ZNF366: variants seen among roughly 807,000 people sequenced by gnomAD.
The protein encoded by ZNF366 is dendritic cell-specific transcript protein.
Under a neutral mutation model 47.2 loss-of-function variants are expected in ZNF366, and 20 were observed. That is an observed-to-expected ratio of 0.42 (90% CI 0.30 to 0.62). The LOEUF (loss-of-function observed/expected upper bound fraction) is 0.62. ZNF366 is among the 20% of genes least tolerant of loss of function. The probability of loss-of-function intolerance (pLI) is 0.16; values close to 1 mark genes in which losing one functional copy is unlikely to be tolerated. For synonymous variants in ZNF366, 421 were observed against 395.1 expected (o/e 1.07, Z -0.78); for missense variants, 987 against 976.3 (o/e 1.01, Z -0.15).
chr5:72,446,234 A>G (rs1024015455), intron 4 of ZNF366, among the ~76,000 whole-genome samples: 3 of 152,246 alleles, frequency 2.0e-5, no homozygotes, highest in Admixed American at 6.5e-5. Flanking sequence ...CTCTTATATA[A>G]AATGAGAATA....
intron 2 of ZNF366, 43 bp downstream of exon 2, chr5:72,460,122 T>G: frequency 6.3e-7 from 1 of 1,592,348 alleles, no homozygotes; most frequent in Non-Finnish European, 8.6e-7. Context: ...GCCCCGCTCC[T>G]CTTCCCAAGG....
At chr5:72,487,411 G>A (rs1490784093) in intron 1 of ZNF366, among the ~76,000 whole-genome samples, 2 of 152,088 alleles carry the variant, frequency 1.3e-5, no homozygotes, top group Non-Finnish European at 2.9e-5. Context: ...AAAATATAAT[G>A]AATAAAAAAT....
rs765006609 is a variant in ZNF366, at chr5:72,460,378, G to T, written c.1119C>A (p.Asp373Glu). 6.2e-7 allele frequency: 1 copy of T among 1,614,274 alleles called. No individual in the cohort carries two copies. The highest frequency in any genetic ancestry group is 1.1e-5 in the South Asian group (1 of 91,090). Reference protein sequence around the residue: ...RENICVECGLDFPTLAQLKRH... With the variant: ...RENICVECGLEFPTLAQLKRH... ...TCTTCAGCTGGGCCAAGGTGGGGAA[G>T]TCGAGGCCGCACTCCACACAGATGT... Residue 373 changes from aspartate (D) to glutamate (E), a missense_variant, in exon 2 of 5, where the codon GAC (aspartate) becomes GAA (glutamate). Coordinates refer to ENST00000318442, the MANE Select transcript of ZNF366 (RefSeq NM_152625.3).
At position 72,461,626 on chromosome 5, in the gene ZNF366, T is replaced by C. The variant is rs756760498; in HGVS notation, c.-14-116A>G. On this transcript the variant is annotated intron_variant, in intron 1 of 4. Coordinates refer to ENST00000318442, the MANE Select transcript of ZNF366 (RefSeq NM_152625.3). ...TTTATGAAGAGTAGTACTTGCTTAA[T>C]ATGGACCCTCATTTATCCTAGGGCT... The C allele has an allele frequency of 3.1e-4, 416 of 1,334,824 alleles. 1 individual carries two copies. Among genetic ancestry groups the C allele is most frequent in the Non-Finnish European group, 3.9e-4 (384 of 989,078 alleles). The allele number at this position is 1,334,824 out of a possible 1,614,324, so 82.7% of individuals were successfully genotyped here. A position where few individuals can be genotyped will look rare whatever the true frequency, so the allele number is the denominator to read the frequency against.
intron 1 of ZNF366, among the ~76,000 whole-genome samples, chr5:72,480,566 A>G (rs1743771757): frequency 6.6e-6 from 1 of 152,182 alleles, no homozygotes; most frequent in Non-Finnish European, 1.5e-5. Context: ...GGAGTACATT[A>G]GATAACAATT....
chr5:72,448,971 A>G (rs1337301943), intron 3 of ZNF366, among the ~76,000 whole-genome samples: 5 of 152,186 alleles, frequency 3.3e-5, no homozygotes, highest in African/African-American at 1.2e-4. Context: ...AATTTGGCCT[A>G]CAGGGTGGGG....
intron 1 of ZNF366, among the ~76,000 whole-genome samples, chr5:72,483,232 C>CT (rs1226728813): frequency 2.0e-5 from 3 of 152,184 alleles, no homozygotes; most frequent in Admixed American, 6.5e-5. Flanking sequence ...CTCACAATGT[C>CT]TTGGGTAGTA....
chr5:72,457,123 C>G (rs1743208340), intron 2 of ZNF366, among the ~76,000 whole-genome samples: 1 of 152,208 alleles, frequency 6.6e-6, no homozygotes, highest in African/African-American at 2.4e-5. Context: ...ATCACCCTCT[C>G]AAGTTGGTCC....
At position 72,460,384 on chromosome 5, in the gene ZNF366, G is replaced by A; in HGVS notation, c.1113C>T (p.Gly371=). ...GCTGGGCCAAGGTGGGGAAGTCGAG[G>A]CCGCACTCCACACAGATGTTCTCGC... ...SGRENICVEC[G]LDFPTLAQLK... is the part of the protein sequence containing the mutation. Residue 371 remains glycine, a synonymous_variant, in exon 2 of 5, where the codon GGC becomes GGT. Transcript: ENST00000318442. 1 of 1,614,256 alleles carries A rather than the reference G, an allele frequency of 6.2e-7. No individual in the cohort carries two copies. The highest frequency in any genetic ancestry group is 8.5e-7 in the Non-Finnish European group (1 of 1,180,042).
At chr5:72,464,993 G>A (rs1282628238) in intron 1 of ZNF366, among the ~76,000 whole-genome samples, 3 of 151,958 alleles carry the variant, frequency 2.0e-5, no homozygotes, top group African/African-American at 7.3e-5. Flanking sequence ...AGGAGTCGGA[G>A]GTTGCAGTGA....
intron 1 of ZNF366, among the ~76,000 whole-genome samples, chr5:72,476,012 A>G (rs1210039044): frequency 1.3e-5 from 2 of 152,104 alleles, no homozygotes; most frequent in Non-Finnish European, 2.9e-5. Context: ...TAAAGTTACA[A>G]ATCTCTGCAT....
chr5:72,465,072 A>AAAAAGG (rs1216070428), intron 1 of ZNF366, among the ~76,000 whole-genome samples: 9 of 152,266 alleles, frequency 5.9e-5, no homozygotes, highest in African/African-American at 2.2e-4. Flanking sequence ...AAAGAAAAAG[A>AAAAAGG]AAAAGAAAAA....
rs1368260422 is a variant in ZNF366 at position 72,507,410 on chromosome 5, G to T, written c.-174C>A. The T allele has an allele frequency of 2.4e-5, 24 of 985,204 alleles. No individual in the cohort carries two copies. The highest frequency in any genetic ancestry group is 6.2e-5 in the Admixed American group (1 of 16,242). The allele number at this position is 985,204 out of a possible 1,614,324, so 61.0% of individuals were successfully genotyped here. On this transcript the variant is annotated 5_prime_UTR_variant, in exon 1 of 5. Coordinates refer to ENST00000318442, the MANE Select transcript of ZNF366 (RefSeq NM_152625.3). ...AGTGTTTCGAATGACTTAAGAAAGAGAACAGGAACAATACTTCGTTCTCTT... is the reference window on the plus strand; with the variant it reads ...AGTGTTTCGAATGACTTAAGAAAGATAACAGGAACAATACTTCGTTCTCTT...
chr5:72,491,134 A>G (rs1743999905), intron 1 of ZNF366, among the ~76,000 whole-genome samples: 1 of 152,056 alleles, frequency 6.6e-6, no homozygotes, highest in Non-Finnish European at 1.5e-5. Context: ...GTTAGAAAGA[A>G]CTCCTAGACA....
At chr5:72,464,002 G>T (rs957214673) in intron 1 of ZNF366, among the ~76,000 whole-genome samples, 3 of 152,080 alleles carry the variant, frequency 2.0e-5, no homozygotes, top group Admixed American at 6.5e-5. Flanking sequence ...TAGTAGAAAG[G>T]CTGCTCAGAT....
At position 72,444,075 on chromosome 5, in the gene ZNF366, C is replaced by A. The variant is rs1288291607; in HGVS notation, c.1916G>T (p.Ser639Ile). ...EPYSPGLAPQ[S>I]QQLCTPEDLS... The stretch of plus-strand genomic sequence containing the variant: ...ATCCTCGGGTGTGCAGAGCTGCTGG[C>A]TCTGGGGGGCCAGGCCAGGGCTGTA... Residue 639 changes from serine to isoleucine, a missense_variant, in exon 5 of 5, where the codon AGC (serine) becomes ATC (isoleucine). Around this residue, in one of 3 missense-constraint regions of ZNF366, gnomAD observed 285 missense variants for 234.8 expected, o/e 1.21. Transcript: ENST00000318442. The A allele has an allele frequency of 1.2e-6, 2 of 1,614,036 alleles. No homozygotes were observed. The highest frequency in any genetic ancestry group is 2.7e-5 in the African/African-American group (2 of 74,944).
At chr5:72,472,724 G>T in intron 1 of ZNF366, 1 of 338,346 alleles carries the variant, frequency 3.0e-6, no homozygotes, top group Non-Finnish European at 4.2e-6. Context: ...TTCTTCCCCA[G>T]TGCTGAGAGG....
chr5:72,480,877 G>A (rs929501048), intron 1 of ZNF366, among the ~76,000 whole-genome samples: 5 of 152,152 alleles, frequency 3.3e-5, no homozygotes, highest in African/African-American at 9.7e-5. Context: ...AAAATTCCAC[G>A]TGAGTGAAGA....
At chr5:72,467,684 A>C (rs1356383300) in intron 1 of ZNF366, among the ~76,000 whole-genome samples, 2 of 152,198 alleles carry the variant, frequency 1.3e-5, no homozygotes, top group East Asian at 3.9e-4. Context: ...TTCACAAAAG[A>C]ATATTCACTC....
Sources: allele counts gnomAD v4.1 joint callset (sites outside exome capture counted in the v4.1 genomes callset), GRCh38; gene constraint gnomAD v4.1.1; regional missense constraint gnomAD v4.1.1; transcripts MANE v1.5; gene names NCBI Gene and HGNC (gene_info 2026-07-23, HGNC 2026-07-21).